Variants in HECW2 observed in about 807,000 individuals in gnomAD.
HECW2 encodes E3 ubiquitin-protein ligase HECW2.
In HECW2, 61 loss-of-function variants were observed where a neutral mutation model predicts 175.2. The observed-to-expected ratio is 0.35, with a 90% confidence interval of 0.28 to 0.43. HECW2 has a LOEUF of 0.43. Among genes scored for constraint, HECW2 ranks in the 20% least tolerant of loss-of-function variants. HECW2 has a pLI of 1.00. For missense variants in HECW2, 1,524 were observed against 2,000.5 expected (o/e 0.76, Z 4.54); for synonymous variants, 671 against 731.0 (o/e 0.92, Z 1.32).
chr2:196,233,993 A>G (rs1216025430), intron 21 of HECW2, among the ~76,000 whole-genome samples: 2 of 152,234 alleles, frequency 1.3e-5, no homozygotes, highest in Non-Finnish European at 2.9e-5. Context: ...AAGATATTAC[A>G]GGAAGTTCTT....
chr2:196,331,190 T>A (rs1692345007), intron 4 of HECW2: 1 of 985,326 alleles, frequency 1.0e-6, no homozygotes, highest in Non-Finnish European at 1.2e-6. Flanking sequence ...AGGTATCTGT[T>A]TTTCCTTCCA....
At chr2:196,382,797 C>T (rs1002092337) in intron 2 of HECW2, among the ~76,000 whole-genome samples, 1 of 10,012 alleles carries the variant, frequency 1.0e-4, no homozygotes, top group Admixed American at 2.3e-3. Flanking sequence ...AGGGTAGCTC[C>T]ATGATAACCC....
In HECW2 at chr2:196,197,360, T is replaced by A. The variant is rs1224082734; in HGVS notation, c.*3917A>T. The A allele has an allele frequency of 6.6e-6, 1 of 150,646 alleles. No individual in the cohort carries two copies. The highest frequency in any genetic ancestry group is 1.9e-4 in the East Asian group (1 of 5,186). The allele number at this position is 150,646 out of a possible 1,614,324, so 9.3% of individuals were successfully genotyped here. A position where few individuals can be genotyped will look rare whatever the true frequency, so the allele number is the denominator to read the frequency against. On this transcript the variant is annotated 3_prime_UTR_variant, in exon 29 of 29. Transcript: ENST00000644978. ...CAGCTATTAGGGCTTACTAGATCCATCCCTATTAAAAATTTAAAAATAAAA... is the reference window on the plus strand; with the variant it reads ...CAGCTATTAGGGCTTACTAGATCCAACCCTATTAAAAATTTAAAAATAAAA...
At chr2:196,477,116 G>A (rs1336556100) in intron 1 of HECW2, among the ~76,000 whole-genome samples, 3 of 149,816 alleles carry the variant, frequency 2.0e-5, no homozygotes, top group African/African-American at 4.9e-5. Context: ...GCACTCCTGT[G>A]TAGGTGAGGT....
At chr2:196,218,932 A>G (rs1687571981) in intron 26 of HECW2, among the ~76,000 whole-genome samples, 5 of 152,250 alleles carry the variant, frequency 3.3e-5, no homozygotes, top group Non-Finnish European at 7.3e-5. Context: ...ACAGCCTTTC[A>G]GATTAAATGT....
chr2:196,580,956 T>C (rs1690756354), intron 1 of HECW2, among the ~76,000 whole-genome samples: 1 of 152,192 alleles, frequency 6.6e-6, no homozygotes, highest in African/African-American at 2.4e-5. Context: ...AGTGAAATAT[T>C]TGGTCATTTA....
chr2:196,447,410 G>A (rs1378321114), intron 1 of HECW2, among the ~76,000 whole-genome samples: 1 of 152,186 alleles, frequency 6.6e-6, no homozygotes, highest in African/African-American at 2.4e-5. Flanking sequence ...ATTTCTGCTA[G>A]TCTCTCACTG....
chr2:196,279,907 T>G (rs1690124191), intron 14 of HECW2, among the ~76,000 whole-genome samples: 1 of 152,220 alleles, frequency 6.6e-6, no homozygotes, highest in Non-Finnish European at 1.5e-5. Context: ...TCTGATAACA[T>G]GAAATCATGA....
chr2:196,257,808 G>T lies in HECW2; in HGVS notation c.3419+15C>A, dbSNP rs367902986. 3 of 1,577,056 alleles carry T rather than the reference G, an allele frequency of 1.9e-6. No homozygotes were observed. The African/African-American group carries it at 4.0e-5, about 21-fold the overall frequency. On this transcript the variant is annotated intron_variant, in intron 18 of 28. Transcript: ENST00000644978. ...AAGAGACCTTCTGCTTCAAGAGTGAGTGTTACGTATGTACCTCAGCAACAT... is the reference window on the plus strand; with the variant it reads ...AAGAGACCTTCTGCTTCAAGAGTGATTGTTACGTATGTACCTCAGCAACAT...
At chr2:196,329,291 A>G (rs540265443) in intron 5 of HECW2, among the ~76,000 whole-genome samples, 2 of 152,294 alleles carry the variant, frequency 1.3e-5, no homozygotes, top group African/African-American at 4.8e-5. Context: ...AAAGCTCCTC[A>G]GTGAGGTTAG....
At chr2:196,357,337 G>GGA (rs1693413245) in intron 2 of HECW2, among the ~76,000 whole-genome samples, 1 of 151,218 alleles carries the variant, frequency 6.6e-6, no homozygotes, top group African/African-American at 2.4e-5. Context: ...TGGGCGGGGG[G>GGA]GCGGCACTCA....
At chr2:196,564,872 A>G (rs1347551240) in intron 1 of HECW2, among the ~76,000 whole-genome samples, 3 of 152,070 alleles carry the variant, frequency 2.0e-5, no homozygotes, top group Non-Finnish European at 4.4e-5. Context: ...ATAAAATAGC[A>G]TATCAAATAA....
chr2:196,457,284 G>C (rs565695575), intron 1 of HECW2, among the ~76,000 whole-genome samples: 17 of 152,236 alleles, frequency 1.1e-4, no homozygotes, highest in Non-Finnish European at 2.1e-4. Flanking sequence ...AGAGAATCTC[G>C]CCTGATCCAT....
At chr2:196,210,121 G>A (rs1018773237) in intron 28 of HECW2, among the ~76,000 whole-genome samples, 3 of 152,160 alleles carry the variant, frequency 2.0e-5, no homozygotes, top group Admixed American at 2.0e-4. Flanking sequence ...TTATTTTCCG[G>A]TATACTGGCT....
At chr2:196,266,863 C>T (rs1299216415) in intron 17 of HECW2, among the ~76,000 whole-genome samples, 1 of 152,108 alleles carries the variant, frequency 6.6e-6, no homozygotes, top group Non-Finnish European at 1.5e-5. Context: ...CAGGGCTCTT[C>T]AAATAGGATA....
intron 1 of HECW2, among the ~76,000 whole-genome samples, chr2:196,571,105 CA>C (rs1194385398): frequency 6.6e-6 from 1 of 152,184 alleles, no homozygotes; most frequent in East Asian, 1.9e-4. Flanking sequence ...AAAAGAACTA[CA>C]ATACTTCTTA....
intron 1 of HECW2, among the ~76,000 whole-genome samples, chr2:196,455,704 G>T (rs1696488570): frequency 6.6e-6 from 1 of 151,914 alleles, no homozygotes; most frequent in Non-Finnish European, 1.5e-5. Flanking sequence ...TAACTAAATT[G>T]AACACATACT....
At position 196,355,306 on chromosome 2, in the gene HECW2, C is replaced by A. The variant is rs577212388; in HGVS notation, c.293-11542G>T. Among the ~76,000 whole-genome samples, 7 of 152,276 alleles carry A rather than the reference C, an allele frequency of 4.6e-5. No individual in the cohort carries two copies. The South Asian group carries it at 1.5e-3, about 32-fold the overall frequency. ...TACTTGCATGGCTACTTTCCTTTGG[C>A]AATTATGCTTTATAATGAAAATGTA... On this transcript the variant is annotated intron_variant, in intron 2 of 28. Transcript: ENST00000644978.
chr2:196,252,963 C>G (rs1426455027), intron 19 of HECW2, among the ~76,000 whole-genome samples: 1 of 152,232 alleles, frequency 6.6e-6, no homozygotes, highest in African/African-American at 2.4e-5. Context: ...TGTTGACTCA[C>G]TGCCACACCA....
Sources: allele counts gnomAD v4.1 joint callset (sites outside exome capture counted in the v4.1 genomes callset), GRCh38; gene constraint gnomAD v4.1.1; transcripts MANE v1.5; gene names NCBI Gene and HGNC (gene_info 2026-07-23, HGNC 2026-07-21).